The following PLXNA4 variants were observed in gnomAD, a reference collection of about 807,000 sequenced individuals.
PLXNA4 encodes plexin A4.
PLXNA4 carries 44 observed loss-of-function variants against 191.8 expected under a neutral mutation model. The observed-to-expected ratio is 0.23, with a 90% confidence interval of 0.18 to 0.29. The LOEUF is 0.29. Ranked by LOEUF, PLXNA4 falls within the 10% of genes least tolerant of loss-of-function variation. PLXNA4 has a pLI of 1.00. For synonymous variants in PLXNA4, 1,082 were observed against 1,009.5 expected, an observed-to-expected ratio of 1.07 and a Z score of -1.36; for missense variants, 1,800 against 2,488.8, an observed-to-expected ratio of 0.72 and a Z score of 5.89.
At chr7:132,352,898 G>T (rs547530519) in intron 3 of PLXNA4, among the ~76,000 whole-genome samples, 1 of 152,138 alleles carries the variant, frequency 6.6e-6, no homozygotes, top group East Asian at 1.9e-4. Context: ...AGTCAAGTAC[G>T]TTGCAAAATA....
chr7:132,546,737 G>A (rs1368844866), intron 1 of PLXNA4, among the ~76,000 whole-genome samples: 6 of 152,138 alleles, frequency 3.9e-5, no homozygotes, highest in Non-Finnish European at 7.4e-5. Flanking sequence ...TCCACCTTAA[G>A]CCTCCCTTTT....
intron 9 of PLXNA4, among the ~76,000 whole-genome samples, chr7:132,216,387 C>T (rs750081344): frequency 1.3e-5 from 2 of 152,166 alleles, no homozygotes; most frequent in Non-Finnish European, 2.9e-5. Context: ...ATGTGGCATT[C>T]AGCAAACCAG....
chr7:132,561,452 C>T (rs1563172604), intron 1 of PLXNA4, among the ~76,000 whole-genome samples: 1 of 136,962 alleles, frequency 7.3e-6, no homozygotes. Context: ...TTCTTGTCCT[C>T]CTCCTTCTTG....
chr7:132,334,252 C>CTTTTTTTTTTTTTTTTTTTT (rs71529758), intron 3 of PLXNA4, among the ~76,000 whole-genome samples: 1 of 75,608 alleles, frequency 1.3e-5, no homozygotes, highest in Non-Finnish European at 2.4e-5. Context: ...TTCTTTCTTT[C>CTTTTTTTTTTTTTTTTTTTT]TTTTTTTTTT....
intron 3 of PLXNA4, among the ~76,000 whole-genome samples, chr7:132,329,799 G>T (rs755759404): frequency 1.3e-5 from 2 of 152,290 alleles, no homozygotes; most frequent in South Asian, 4.1e-4. Flanking sequence ...AGGCTCCCAG[G>T]TTCTTGTCCT....
At chr7:132,572,942 G>A (rs536411709) in intron 1 of PLXNA4, among the ~76,000 whole-genome samples, 34 of 152,242 alleles carry the variant, frequency 2.2e-4, no homozygotes, top group South Asian at 1.2e-3. Flanking sequence ...TTAAAATGCC[G>A]CTTTTAAATA....
chr7:132,280,005 A>T (rs768842378), intron 4 of PLXNA4, among the ~76,000 whole-genome samples: 21 of 152,230 alleles, frequency 1.4e-4, no homozygotes, highest in Non-Finnish European at 2.6e-4. Context: ...ACATGCCCAT[A>T]TATAGTTTCA....
At chr7:132,250,849 C>T (rs1224829465) in intron 4 of PLXNA4, among the ~76,000 whole-genome samples, 3 of 152,166 alleles carry the variant, frequency 2.0e-5, no homozygotes, top group Non-Finnish European at 2.9e-5. Context: ...CAACACTCCT[C>T]ATTTGATACC....
chr7:132,208,359 A>C (rs899423871), intron 10 of PLXNA4, among the ~76,000 whole-genome samples: 3 of 152,250 alleles, frequency 2.0e-5, no homozygotes, highest in Non-Finnish European at 4.4e-5. Context: ...CCTCTCCTAC[A>C]ACTAATGGTG....
chr7:132,452,978 C>T (rs998155162), intron 3 of PLXNA4, among the ~76,000 whole-genome samples: 1 of 152,146 alleles, frequency 6.6e-6, no homozygotes, highest in Non-Finnish European at 1.5e-5. Flanking sequence ...GGCAAAGATG[C>T]TCCTTCTGCA....
At chr7:132,361,262 T>A (rs1418302822) in intron 3 of PLXNA4, among the ~76,000 whole-genome samples, 1 of 152,180 alleles carries the variant, frequency 6.6e-6, no homozygotes, top group Non-Finnish European at 1.5e-5. Context: ...GAAACCAGCC[T>A]CTTCAAAGGC....
rs114263263 is a variant in PLXNA4, at chr7:132,431,214, G to A, written c.1371+58078C>T. Among the ~76,000 whole-genome samples the A allele has an allele frequency of 6.1e-3, 930 of 152,272 alleles. 12 individuals are homozygous for A. Among genetic ancestry groups the A allele is most frequent in the African/African-American group, 0.021 (877 of 41,536 alleles). ...TCTCAATAGAAATTTGCTAATCTTG[G>A]TCAAATTCTGTCCATTGGCCAGGAG... On this transcript the variant is annotated intron_variant, in intron 3 of 31. Coordinates refer to ENST00000321063, the MANE Select transcript of PLXNA4 (RefSeq NM_020911.2).
chr7:132,590,079 A>G (rs6969229), intron 2 of PLXNA4, among the ~76,000 whole-genome samples: 137,583 of 152,266 alleles, frequency 0.9, 62,993 homozygotes, highest in East Asian at 1. Context: ...TACACACATA[A>G]CAATTCAACT....
At chr7:132,293,158 C>T (rs1406700804) in intron 4 of PLXNA4, among the ~76,000 whole-genome samples, 1 of 152,136 alleles carries the variant, frequency 6.6e-6, no homozygotes, top group Non-Finnish European at 1.5e-5. Context: ...TAGGAGGGGT[C>T]CATGAACACC....
At chr7:132,612,801 G>C (rs1383165341) in intron 2 of PLXNA4, among the ~76,000 whole-genome samples, 1 of 151,904 alleles carries the variant, frequency 6.6e-6, no homozygotes, top group Non-Finnish European at 1.5e-5. Context: ...CAGCACCCCT[G>C]AGCAGTTGTG....
intron 3 of PLXNA4, among the ~76,000 whole-genome samples, chr7:132,455,980 G>A (rs1218329412): frequency 6.6e-6 from 1 of 152,214 alleles, no homozygotes; most frequent in Non-Finnish European, 1.5e-5. Flanking sequence ...GACGAGAGAA[G>A]GTGCCCCTCC....
chr7:132,360,158 T>G (rs1803877893), intron 3 of PLXNA4, among the ~76,000 whole-genome samples: 1 of 152,202 alleles, frequency 6.6e-6, no homozygotes, highest in Non-Finnish European at 1.5e-5. Flanking sequence ...ACCATTGCTA[T>G]GTACCTTAAA....
rs150848387 is a variant in PLXNA4, at chr7:132,205,516, TGAGAGA to T, written c.2299-2103_2299-2098del. Among the ~76,000 whole-genome samples, 3 of 150,264 alleles carry T rather than the reference TGAGAGA, an allele frequency of 2.0e-5. No individual in the cohort carries two copies. The Middle Eastern group carries it at 0.01, about 522-fold the overall frequency. ...GTGTGTTTGTGTGTTTGTGTGTGTG[TGAGAGA>T]GAGAGAGAGAGAGAACTTCCAGGCT... On this transcript the variant is annotated intron_variant, in intron 10 of 31. Coordinates refer to ENST00000321063, the MANE Select transcript of PLXNA4 (RefSeq NM_020911.2).
chr7:132,222,902 C>T (rs1798193819), intron 9 of PLXNA4, among the ~76,000 whole-genome samples: 1 of 152,168 alleles, frequency 6.6e-6, no homozygotes, highest in Non-Finnish European at 1.5e-5. Context: ...GCATCAGAGC[C>T]ACTGGGAGGG....
Sources: allele counts gnomAD v4.1 joint callset (sites outside exome capture counted in the v4.1 genomes callset), GRCh38; gene constraint gnomAD v4.1.1; transcripts MANE v1.5; gene names NCBI Gene and HGNC (gene_info 2026-07-23, HGNC 2026-07-21).